Variants in CENPI observed in about 807,000 individuals in gnomAD.
CENPI encodes centromere protein I, also known as FSH primary response 1.
CENPI carries 4 observed loss-of-function variants against 60.4 expected under a neutral mutation model. The observed-to-expected ratio is 0.07, with a 90% confidence interval of 0.03 to 0.15. CENPI has a LOEUF of 0.15. Ranked by LOEUF, CENPI falls within the 10% of genes least tolerant of loss-of-function variation. The pLI is 1.00. For synonymous variants in CENPI, 157 were observed against 189.4 expected (o/e 0.83, Z 1.40); for missense variants, 444 against 534.5 (o/e 0.83, Z 1.67).
At chrX:101,175,976 A>T in the CENPI span, among the ~76,000 whole-genome samples, 3 of 111,234 alleles carry the variant, frequency 2.7e-5, no homozygotes, top group Non-Finnish European at 3.8e-5. Context: ...GGTATCTATC[A>T]TTCTATTCTC....
At chrX:101,131,281 G>C (rs996734181) in intron 13 of CENPI, among the ~76,000 whole-genome samples, 3 of 111,843 alleles carry the variant, frequency 2.7e-5, no homozygotes, top group African/African-American at 9.7e-5. Context: ...AAAGTGCTGA[G>C]ATTATAGGTG....
At chrX:101,111,528 TA>T (rs11443717) in intron 6 of CENPI, among the ~76,000 whole-genome samples, 3,889 of 104,686 alleles carry the variant, frequency 0.037, 151 homozygotes, top group African/African-American at 0.12. Context: ...TTCATTGTGG[TA>T]AAAAAAAAAA....
the CENPI span, among the ~76,000 whole-genome samples, chrX:101,173,998 C>T: frequency 2.7e-5 from 3 of 111,959 alleles, no homozygotes; most frequent in Non-Finnish European, 5.6e-5. Flanking sequence ...AAAAAATGCT[C>T]AACATCACTA....
chrX:101,127,722 G>GT (rs2089751166), intron 11 of CENPI, 57 bp downstream of exon 11: 3 of 949,532 alleles, frequency 3.2e-6, no homozygotes, highest in Admixed American at 6.4e-5. Context: ...CATGGCCTTT[G>GT]TTTTTTTGTT....
chrX:101,162,471 A>ATATATATATATATATATATATATATAT (rs1182467283), intron 21 of CENPI, among the ~76,000 whole-genome samples: 7 of 76,280 alleles, frequency 9.2e-5, no homozygotes, highest in African/African-American at 4.1e-4. Flanking sequence ...AAAAAAAAAA[A>ATATATATATATATATATATATATATAT]AAATATATAT....
intron 20 of CENPI, among the ~76,000 whole-genome samples, chrX:101,157,010 T>C (rs2090058987): frequency 9.0e-6 from 1 of 111,435 alleles, no homozygotes; most frequent in African/African-American, 3.3e-5. Context: ...TTCCTCTGGG[T>C]AGATATCCAG....
In CENPI at chrX:101,109,900, T is replaced by C. The variant is rs1218024701; in HGVS notation, c.493T>C (p.Tyr165His). ...TTTGTCTCTTCAATAGGTACTTTTT[T>C]ATCGTTGGCTGGTTGCAATGTTTGA... ...KCSGSTKVLF[Y>H]RWLVAMFDFI... The change falls in exon 6 of 22, where the codon TAT (tyrosine) becomes CAT (histidine). Residue 165 changes from tyrosine to histidine, a missense_variant. By Grantham distance (83) the Tyr-to-His change is moderately conservative. Coordinates refer to ENST00000682095, the MANE Select transcript of CENPI (RefSeq NM_001386188.2). 8.4e-6 allele frequency: 10 copies of C among 1,194,632 alleles called. No individual in the cohort carries two copies. The highest frequency in any genetic ancestry group is 1.1e-5 in the Non-Finnish European group (10 of 880,310).
chrX:101,179,003 A>C, the CENPI span, among the ~76,000 whole-genome samples: 2 of 112,278 alleles, frequency 1.8e-5, no homozygotes, highest in African/African-American at 6.5e-5. Flanking sequence ...ACTTTTTCTT[A>C]TTCTAGTAAA....
At chrX:101,146,777 C>G (rs923039887) in intron 18 of CENPI, among the ~76,000 whole-genome samples, 5 of 111,272 alleles carry the variant, frequency 4.5e-5, no homozygotes, top group African/African-American at 9.8e-5. Flanking sequence ...TTGCTCTTAT[C>G]ACCCTGGAGT....
chrX:101,129,960 A>T (rs779959096), intron 12 of CENPI, 22 bp from the exon 13 acceptor site: 1 of 1,046,707 alleles, frequency 9.6e-7, no homozygotes. Flanking sequence ...CTAGATGCTT[A>T]TATTTACTGT....
rs763855508 is a variant in CENPI at position 101,160,375 on chromosome X, CTTTT to C, written c.2095-1135_2095-1132del. Among the ~76,000 whole-genome samples, 367 of 81,385 alleles carry C rather than the reference CTTTT, an allele frequency of 4.5e-3. 1 individual carries two copies. Among genetic ancestry groups the C allele is most frequent in the African/African-American group, 0.016 (347 of 21,649 alleles). The allele number at this position is 81,385 out of a possible 115,157, so 70.7% of individuals were successfully genotyped here. ...ACCCCAGCACCCTTAGCTTTTAGTT[CTTTT>C]TTTTTTTTTTTTTTTTTCTTTGATG... On this transcript the variant is annotated intron_variant, in intron 20 of 21. Transcript: ENST00000682095.
At chrX:101,150,464 G>A (rs1451225760) in intron 20 of CENPI, among the ~76,000 whole-genome samples, 1 of 109,613 alleles carries the variant, frequency 9.1e-6, no homozygotes, top group African/African-American at 3.3e-5. Context: ...TTGACCTTGG[G>A]GGCTCAAGTG....
the CENPI span, among the ~76,000 whole-genome samples, chrX:101,175,431 T>A: frequency 8.9e-6 from 1 of 112,076 alleles, no homozygotes. Context: ...GTAAAGAAAA[T>A]GATCCTACCA....
intron 20 of CENPI, among the ~76,000 whole-genome samples, chrX:101,157,413 C>G (rs1361436288): frequency 9.0e-6 from 1 of 110,818 alleles, no homozygotes; most frequent in Non-Finnish European, 1.9e-5. Context: ...TTTGGGAGGC[C>G]AAGGTGGGAG....
chrX:101,107,313 C>CT (rs1214887248), intron 4 of CENPI, among the ~76,000 whole-genome samples: 1 of 108,846 alleles, frequency 9.2e-6, no homozygotes, highest in Non-Finnish European at 1.9e-5. Context: ...TGATTGAAAG[C>CT]TTTTTTGGAG....
intron 4 of CENPI, among the ~76,000 whole-genome samples, chrX:101,107,901 G>A (rs1391489147): frequency 2.0e-5 from 2 of 100,325 alleles, no homozygotes; most frequent in African/African-American, 7.5e-5. Flanking sequence ...ACAGGCGTGA[G>A]CCACCACACC....
intron 6 of CENPI, among the ~76,000 whole-genome samples, chrX:101,114,390 A>C (rs2089593109): frequency 8.9e-6 from 1 of 112,040 alleles, no homozygotes; most frequent in Admixed American, 9.5e-5. Flanking sequence ...CAACCATTTC[A>C]GCATAGTCAA....
chrX:101,134,089 A>G (rs760498360), intron 15 of CENPI, among the ~76,000 whole-genome samples: 3 of 111,831 alleles, frequency 2.7e-5, no homozygotes, highest in Admixed American at 9.6e-5. Context: ...GAGTGTGTTT[A>G]TAGATGGAGT....
intron 6 of CENPI, among the ~76,000 whole-genome samples, chrX:101,117,049 G>C (rs1433959233): frequency 9.0e-6 from 1 of 111,171 alleles, no homozygotes; most frequent in East Asian, 2.8e-4. Flanking sequence ...ATCCTATAGG[G>C]TTGTAAGAGT....
Sources: gnomAD v4.1 joint callset for allele counts (sites outside exome capture counted in the v4.1 genomes callset) on GRCh38, gnomAD v4.1.1 for gene constraint, MANE v1.5 for transcripts, NCBI Gene and HGNC (gene_info 2026-07-23, HGNC 2026-07-21) for gene names.